Variants in STARD13 observed in about 807,000 individuals in gnomAD.
The protein encoded by STARD13 is StAR related lipid transfer domain containing 13.
A neutral mutation model predicts 106.4 loss-of-function variants in STARD13; 62 were observed. The ratio of observed to expected loss-of-function variants is 0.58; its 90% CI spans 0.48 to 0.72. The LOEUF is 0.72. Ranked by LOEUF, STARD13 falls within the 30% of genes least tolerant of loss-of-function variation. STARD13 has a pLI of 0.00. For missense variants in STARD13, 1,387 were observed against 1,424.0 expected (o/e 0.97, Z 0.42); for synonymous variants, 565 against 553.0 (o/e 1.02, Z -0.31).
chr13:33,576,417 A>G, the STARD13 span, among the ~76,000 whole-genome samples: 1 of 150,776 alleles, frequency 6.6e-6, no homozygotes, highest in African/African-American at 2.5e-5. Context: ...TTTTTTTAAT[A>G]GAGACAAGGT....
chr13:33,528,544 T>A, the STARD13 span, among the ~76,000 whole-genome samples: 3 of 151,680 alleles, frequency 2.0e-5, no homozygotes, highest in South Asian at 6.2e-4. Context: ...AAGTCCTGGG[T>A]TTACAGGCAT....
chr13:33,263,917 T>A (rs1003388389), intron 1 of STARD13, among the ~76,000 whole-genome samples: 1 of 152,218 alleles, frequency 6.6e-6, no homozygotes, highest in Admixed American at 6.5e-5. Flanking sequence ...GAGCAGACCT[T>A]TATGGCTATG....
chr13:33,299,100 G>A (rs1282545618), intron 1 of STARD13, among the ~76,000 whole-genome samples: 2 of 152,156 alleles, frequency 1.3e-5, no homozygotes, highest in Non-Finnish European at 2.9e-5. Flanking sequence ...TGTTACAATT[G>A]CCTGCAGAAT....
At chr13:33,511,067 T>C in the STARD13 span, among the ~76,000 whole-genome samples, 1 of 152,130 alleles carries the variant, frequency 6.6e-6, no homozygotes, top group Non-Finnish European at 1.5e-5. Flanking sequence ...CCCAGCACTT[T>C]GGGAGGCTGA....
intron 12 of STARD13, among the ~76,000 whole-genome samples, chr13:33,109,426 T>G (rs1874202969): frequency 6.6e-6 from 1 of 152,182 alleles, no homozygotes; most frequent in Admixed American, 6.5e-5. Context: ...GCTATGAGCA[T>G]CTGAAGTTAT....
upstream of STARD13, among the ~76,000 whole-genome samples, chr13:33,287,539 C>T (rs1161244787): frequency 1.3e-5 from 2 of 152,164 alleles, no homozygotes; most frequent in African/African-American, 4.8e-5. Context: ...TTTTTCTGTT[C>T]CATAGCATCG....
chr13:33,311,178 TC>T (rs1182683676), intron 1 of STARD13, among the ~76,000 whole-genome samples: 1 of 150,520 alleles, frequency 6.6e-6, no homozygotes, highest in Non-Finnish European at 1.5e-5. Flanking sequence ...GCACCTGTGG[TC>T]CCAGCTACTC....
intron 1 of STARD13, among the ~76,000 whole-genome samples, chr13:33,234,315 T>C (rs1229017011): frequency 6.6e-6 from 1 of 152,204 alleles, no homozygotes; most frequent in East Asian, 1.9e-4. Context: ...TTTGAGAAAA[T>C]GCTCCTGAGG....
chr13:33,594,797 C>T, the STARD13 span, among the ~76,000 whole-genome samples: 3 of 152,194 alleles, frequency 2.0e-5, no homozygotes, highest in African/African-American at 7.2e-5. Flanking sequence ...GTTCACTGAG[C>T]AGAATATCTT....
chr13:33,580,305 A>C, the STARD13 span, among the ~76,000 whole-genome samples: 1 of 152,154 alleles, frequency 6.6e-6, no homozygotes, highest in Non-Finnish European at 1.5e-5. Context: ...GAAAGGCTAC[A>C]CACCATATGA....
chr13:33,355,606 GGA>G (rs2078116997), upstream of STARD13: 1 of 152,176 alleles, frequency 6.6e-6, no homozygotes, highest in Non-Finnish European at 1.5e-5. Flanking sequence ...TCCTTTCCCA[GGA>G]GAGATGGGAT....
the STARD13 span, among the ~76,000 whole-genome samples, chr13:33,497,939 A>G: frequency 6.6e-6 from 1 of 152,228 alleles, no homozygotes; most frequent in Non-Finnish European, 1.5e-5. Flanking sequence ...AAATACAGAC[A>G]TGCAAAACTC....
At chr13:33,439,832 T>G in the STARD13 span, 2 of 438,710 alleles carry the variant, frequency 4.6e-6, no homozygotes, top group East Asian at 8.5e-5. Context: ...TCAAATGGCC[T>G]CCAGAAATGA....
chr13:33,472,239 T>C, the STARD13 span, among the ~76,000 whole-genome samples: 1 of 152,122 alleles, frequency 6.6e-6, no homozygotes, highest in Non-Finnish European at 1.5e-5. Context: ...CTGGGGTACA[T>C]GAGATGCTTT....
intron 2 of STARD13, 100 bp downstream of exon 2, chr13:33,167,451 G>T: frequency 8.1e-7 from 1 of 1,241,634 alleles, no homozygotes; most frequent in Non-Finnish European, 1.2e-6. Flanking sequence ...AGCAAAATGG[G>T]CGAGAAAAAA....
At chr13:33,488,645 G>A in the STARD13 span, among the ~76,000 whole-genome samples, 1 of 152,090 alleles carries the variant, frequency 6.6e-6, no homozygotes, top group African/African-American at 2.4e-5. Flanking sequence ...TCTTCTACCA[G>A]ACATTTCCTG....
intron 5 of STARD13, among the ~76,000 whole-genome samples, chr13:33,127,858 T>A (rs1466990505): frequency 1.9e-5 from 2 of 106,136 alleles, no homozygotes; most frequent in Non-Finnish European, 4.7e-5. Flanking sequence ...AGTGTGTGTG[T>A]GAGTGAGTGT....
Position 33,113,389 on chromosome 13 carries a change from T to G in STARD13, c.2282-458A>C, listed in dbSNP as rs115179615. On this transcript the variant is annotated intron_variant, in intron 8 of 13. Transcript: ENST00000336934. Reference sequence around the variant, plus strand: ...GGACATGGTTTGAAAACCACTGGGTTAGGGAACAGTAGCCTCGCCTTGCGT... The same window carrying G: ...GGACATGGTTTGAAAACCACTGGGTGAGGGAACAGTAGCCTCGCCTTGCGT... Among the ~76,000 whole-genome samples, 1,234 of 152,230 alleles carry G rather than the reference T, an allele frequency of 8.1e-3. 13 individuals are homozygous for G. The highest frequency in any genetic ancestry group is 0.028 in the African/African-American group (1,160 of 41,530).
intron 1 of STARD13, among the ~76,000 whole-genome samples, chr13:33,203,155 C>T (rs375908216): frequency 6.6e-6 from 1 of 152,104 alleles, no homozygotes; most frequent in Non-Finnish European, 1.5e-5. Context: ...GCGTGGCTCC[C>T]AAGGCTGCCA....
Sources: allele counts gnomAD v4.1 joint callset (sites outside exome capture counted in the v4.1 genomes callset), GRCh38; gene constraint gnomAD v4.1.1; transcripts MANE v1.5; gene names NCBI Gene and HGNC (gene_info 2026-07-23, HGNC 2026-07-21).